The following WDR36 variants were observed in gnomAD, a reference collection of about 807,000 sequenced individuals.
The protein encoded by WDR36 is WD repeat-containing protein 36.
In WDR36, 63 loss-of-function variants were observed where a neutral mutation model predicts 112.7. The ratio of observed to expected loss-of-function variants is 0.56; its 90% CI spans 0.46 to 0.69. The LOEUF is 0.69. Ranked by LOEUF, WDR36 falls within the 30% of genes least tolerant of loss-of-function variation. The pLI is 0.00. For missense variants in WDR36, 1,226 were observed against 1,070.3 expected (o/e 1.15, Z -2.03); for synonymous variants, 410 against 362.2 (o/e 1.13, Z -1.50).
rs1372288145 is a variant in WDR36 at position 111,130,221 on chromosome 5, C to T, written c.*3338C>T. On this transcript the variant is annotated 3_prime_UTR_variant, in exon 23 of 23. Coordinates refer to ENST00000513710, the MANE Select transcript of WDR36 (RefSeq NM_139281.3). ...CAGGACCCCTGTGGATACCAAAATC[C>T]AAGCAATGCCCTGCAGATCATGGGA... 2 of 204,974 alleles carry T rather than the reference C, an allele frequency of 9.8e-6. No individual in the cohort carries two copies. The highest frequency in any genetic ancestry group is 6.0e-5 in the Admixed American group (1 of 16,764). The allele number at this position is 204,974 out of a possible 1,614,324, so 12.7% of individuals were successfully genotyped here. A position where few individuals can be genotyped will look rare whatever the true frequency, so the allele number is the denominator to read the frequency against.
chr5:111,092,498 T>G lies in WDR36; in HGVS notation c.42T>G (p.Phe14Leu). The G allele has an allele frequency of 3.7e-6, 6 of 1,614,222 alleles. No individual in the cohort carries two copies. The highest frequency in any genetic ancestry group is 5.1e-6 in the Non-Finnish European group (6 of 1,180,040). Reference sequence around the variant, plus strand: ...AAAGGCGCACGGCCAGCGCGCTTTTTGCGGGGTTCCGGGCCTTGGGACTTT... The same window carrying G: ...AAAGGCGCACGGCCAGCGCGCTTTTGGCGGGGTTCCGGGCCTTGGGACTTT... ...ASERRTASAL[F>L]AGFRALGLFS... The change falls in exon 1 of 23, where the codon TTT (phenylalanine) becomes TTG (leucine). Residue 14 changes from phenylalanine to leucine, a missense_variant. By Grantham distance (22) the Phe-to-Leu change is conservative. Transcript: ENST00000513710.
chr5:111,094,164 A>C (rs1275536559), intron 1 of WDR36, among the ~76,000 whole-genome samples: 2 of 152,184 alleles, frequency 1.3e-5, no homozygotes, highest in Non-Finnish European at 2.9e-5. Flanking sequence ...TCTACAGGGG[A>C]AACTAGACAA....
intron 16 of WDR36, among the ~76,000 whole-genome samples, chr5:111,116,571 G>A (rs1159533134): frequency 2.0e-5 from 3 of 151,618 alleles, no homozygotes; most frequent in Admixed American, 1.3e-4. Flanking sequence ...AATAGGAATT[G>A]TTTTAATATT....
chr5:111,128,881 A>G lies in WDR36; in HGVS notation c.*1998A>G, dbSNP rs1171018544. ...ACATTTTGCTTGTGTGCTTTTTGAA[A>G]ACCATCTTCAGTCCCAATATCCTCT... On this transcript the variant is annotated 3_prime_UTR_variant, in exon 23 of 23. Coordinates refer to ENST00000513710, the MANE Select transcript of WDR36 (RefSeq NM_139281.3). The G allele has an allele frequency of 5.3e-6, 1 of 190,344 alleles. No homozygotes were observed. Among genetic ancestry groups the G allele is most frequent in the Non-Finnish European group, 1.1e-5 (1 of 90,774 alleles). The allele number at this position is 190,344 out of a possible 1,614,324, so 11.8% of individuals were successfully genotyped here. A position where few individuals can be genotyped will look rare whatever the true frequency, so the allele number is the denominator to read the frequency against.
chr5:111,121,952 T>G (rs1272002160), intron 19 of WDR36, among the ~76,000 whole-genome samples: 5 of 152,206 alleles, frequency 3.3e-5, no homozygotes, highest in African/African-American at 1.2e-4. Flanking sequence ...GTAAAAAGTT[T>G]AAGAAACACT....
Position 111,092,564 on chromosome 5 carries a change from C to T in WDR36, c.108C>T (p.Leu36=). The T allele has an allele frequency of 6.2e-7, 1 of 1,614,180 alleles. No homozygotes were observed. Among genetic ancestry groups the T allele is most frequent in the Non-Finnish European group, 8.5e-7 (1 of 1,180,036 alleles). Residue 36 remains leucine, a synonymous_variant, in exon 1 of 23, where the codon CTC becomes CTT. Coordinates refer to ENST00000513710, the MANE Select transcript of WDR36 (RefSeq NM_139281.3). ...CACACGTGGTGCGGTTCAGCGCGCT[C>T]AAGCGCCGGTTCTATGTAACAACCT... The part of the protein sequence containing the change: ...DIPHVVRFSA[L]KRRFYVTTCV...
rs1162950454 is a variant in WDR36, at chr5:111,109,265, A to C, written c.1327-924A>C. 3.3e-5 allele frequency among the ~76,000 whole-genome samples: 5 copies of C among 151,498 alleles called. No individual in the cohort carries two copies. In the East Asian group the frequency reaches 9.7e-4, roughly 29 times the overall value. On this transcript the variant is annotated intron_variant, in intron 12 of 22. Transcript: ENST00000513710. ...GAATTTTTCAAAATAGGTCAGCTTAATGTTTGTGTTTCATTTAGGAAGATA... is the reference window on the plus strand; with the variant it reads ...GAATTTTTCAAAATAGGTCAGCTTACTGTTTGTGTTTCATTTAGGAAGATA...
intron 21 of WDR36, among the ~76,000 whole-genome samples, chr5:111,124,878 CAAAG>C (rs1219980242): frequency 6.6e-6 from 1 of 152,022 alleles, no homozygotes; most frequent in Non-Finnish European, 1.5e-5. Context: ...TATGGGGAGA[CAAAG>C]AAATAAAAAC....
chr5:111,106,304 G>A (rs1051705845), intron 11 of WDR36, among the ~76,000 whole-genome samples, 161 bp downstream of exon 11: 1 of 151,478 alleles, frequency 6.6e-6, no homozygotes, highest in Non-Finnish European at 1.5e-5. Context: ...GACTAAAAAT[G>A]AGTTATTTTA....
At chr5:111,093,350 G>C (rs1295212357) in intron 1 of WDR36, among the ~76,000 whole-genome samples, 1 of 152,206 alleles carries the variant, frequency 6.6e-6, no homozygotes, top group Non-Finnish European at 1.5e-5. Context: ...TGATGAGGAG[G>C]ATGATAATAG....
intron 9 of WDR36, 26 bp from the exon 10 acceptor site, chr5:111,105,269 T>G (rs756846314): frequency 6.2e-7 from 1 of 1,603,992 alleles, no homozygotes; most frequent in Non-Finnish European, 8.5e-7. Flanking sequence ...GAAGCTTGAT[T>G]AGGGATTTTC....
chr5:111,110,729 G>T (rs761069406), intron 13 of WDR36, 59 bp from the exon 14 acceptor site: 2 of 1,547,470 alleles, frequency 1.3e-6, no homozygotes, highest in Non-Finnish European at 1.8e-6. Flanking sequence ...TGTGTGTATT[G>T]TTCAGAGAGA....
At chr5:111,114,117 A>G (rs1753406549) in intron 16 of WDR36, among the ~76,000 whole-genome samples, 2 of 152,198 alleles carry the variant, frequency 1.3e-5, no homozygotes, top group African/African-American at 4.8e-5. Context: ...AGGGCTTTAA[A>G]GAGAAAGTGG....
At chr5:111,113,244 T>G in intron 16 of WDR36, 91 bp downstream of exon 16, 1 of 731,882 alleles carries the variant, frequency 1.4e-6, no homozygotes, top group Non-Finnish European at 2.3e-6. Flanking sequence ...ATGGGTTATA[T>G]GCTTTTTCAA....
At chr5:111,109,175 T>C (rs112648885) in intron 12 of WDR36, among the ~76,000 whole-genome samples, 2 of 151,336 alleles carry the variant, frequency 1.3e-5, no homozygotes, top group African/African-American at 2.4e-5. Flanking sequence ...TACTTGCAGG[T>C]TATAGCATAC....
Position 111,126,971 on chromosome 5 carries a change from A to AAAT in WDR36, c.*90_*91insTAA. Reference sequence around the variant, plus strand: ...ATTTTCCAAGTGTCAATGTGAAAAGAAAATAAATGCTAGCACTACTGACTA... The same window carrying AAAT: ...ATTTTCCAAGTGTCAATGTGAAAAGAAATAAATAAATGCTAGCACTACTGACTA... On this transcript the variant is annotated 3_prime_UTR_variant, in exon 23 of 23. Transcript: ENST00000513710. The AAAT allele has an allele frequency of 7.8e-7, 1 of 1,289,354 alleles. No homozygotes were observed. The highest frequency in any genetic ancestry group is 1.5e-5 in the South Asian group (1 of 65,940). 79.9% of individuals were successfully genotyped at this position (1,289,354 alleles called of 1,614,324 possible).
intron 20 of WDR36, 73 bp downstream of exon 20, chr5:111,123,997 G>C: frequency 6.2e-7 from 1 of 1,607,338 alleles, no homozygotes; most frequent in Non-Finnish European, 8.5e-7. Context: ...TCTTTACCAA[G>C]ACCTAGTTTT....
Position 111,125,658 on chromosome 5 carries a change from A to G in WDR36, c.2401A>G (p.Thr801Ala). Residue 801 changes from threonine to alanine, a missense_variant, in exon 22 of 23, where the codon ACA becomes GCA. Coordinates refer to ENST00000513710, the MANE Select transcript of WDR36 (RefSeq NM_139281.3). ...LKESGPSGIE[T>A]ELRSLSPDCG... ...AGAATCAGGCCCATCAGGAATTGAA[A>G]CAGAGCTGCGAAGCTTGTCTCCTGA... 1 of 1,613,874 alleles carries G rather than the reference A, an allele frequency of 6.2e-7. No homozygotes were observed. The highest frequency in any genetic ancestry group is 8.5e-7 in the Non-Finnish European group (1 of 1,179,856).
chr5:111,130,069 C>G lies in WDR36; in HGVS notation c.*3186C>G, dbSNP rs916919222. On this transcript the variant is annotated 3_prime_UTR_variant, in exon 23 of 23. Coordinates refer to ENST00000513710, the MANE Select transcript of WDR36 (RefSeq NM_139281.3). ...ATTTGGGTAAAGCCTTCCTCATGTT[C>G]TATAAAAATTGGTTAACTGCTGGTG... The G allele has an allele frequency of 9.5e-6, 2 of 210,756 alleles. No individual in the cohort carries two copies. Among genetic ancestry groups the G allele is most frequent in the African/African-American group, 2.3e-5 (1 of 44,110 alleles). The allele number at this position is 210,756 out of a possible 1,614,324, so 13.1% of individuals were successfully genotyped here.
Sources: gnomAD v4.1 joint callset for allele counts (sites outside exome capture counted in the v4.1 genomes callset) on GRCh38, gnomAD v4.1.1 for gene constraint, MANE v1.5 for transcripts, NCBI Gene and HGNC (gene_info 2026-07-23, HGNC 2026-07-21) for gene names.